The following TMEM266 variants were observed in gnomAD, a reference collection of about 807,000 sequenced individuals.
The protein encoded by TMEM266 is Hv1 related protein 1.
In TMEM266, 33 loss-of-function variants were observed where a neutral mutation model predicts 50.5. The ratio of observed to expected loss-of-function variants is 0.65; its 90% confidence interval spans 0.50 to 0.87. TMEM266 has a LOEUF of 0.87. TMEM266 is among the 40% of genes least tolerant of loss of function. The probability of loss-of-function intolerance (pLI) is 0.00; values close to 1 mark genes in which losing one functional copy is unlikely to be tolerated. For missense variants in TMEM266, 655 were observed against 695.1 expected (o/e 0.94, Z 0.65); for synonymous variants, 310 against 292.3 (o/e 1.06, Z -0.62).
chr15:76,179,507 C>T (rs1412301953), intron 8 of TMEM266, among the ~76,000 whole-genome samples: 1 of 152,210 alleles, frequency 6.6e-6, no homozygotes, highest in Non-Finnish European at 1.5e-5. Flanking sequence ...TCCAGCCCAT[C>T]ACGTTGAGCC....
intron 1 of TMEM266, among the ~76,000 whole-genome samples, chr15:76,127,543 C>T (rs1042359169): frequency 1.3e-5 from 2 of 152,060 alleles, no homozygotes; most frequent in Non-Finnish European, 2.9e-5. Context: ...CCAAGCTGGC[C>T]TCTTACTCCT....
chr15:76,112,353 A>G (rs1400954742), intron 1 of TMEM266, among the ~76,000 whole-genome samples: 1 of 152,220 alleles, frequency 6.6e-6, no homozygotes, highest in Non-Finnish European at 1.5e-5. Context: ...CAAATGCAAC[A>G]TGTTAAAAAT....
chr15:76,122,834 G>C (rs902433941), intron 1 of TMEM266, among the ~76,000 whole-genome samples: 2 of 152,186 alleles, frequency 1.3e-5, no homozygotes, highest in African/African-American at 2.4e-5. Flanking sequence ...TGGATCCTTT[G>C]TCTCAGTGGG....
At chr15:76,119,475 T>C (rs1353591848) in intron 1 of TMEM266, among the ~76,000 whole-genome samples, 1 of 151,342 alleles carries the variant, frequency 6.6e-6, no homozygotes, top group Admixed American at 6.6e-5. Context: ...CATAGAAATA[T>C]TGTGACGGGA....
intron 2 of TMEM266, among the ~76,000 whole-genome samples, chr15:76,136,239 G>A (rs1044855224): frequency 2.4e-4 from 37 of 152,058 alleles, no homozygotes; most frequent in African/African-American, 7.7e-4. Context: ...CACCATGCCC[G>A]GCCTGCAGCT....
intron 3 of TMEM266, 150 bp from the exon 4 acceptor site, chr15:76,156,454 T>C (rs1186461038): frequency 9.7e-6 from 7 of 723,466 alleles, no homozygotes; most frequent in Non-Finnish European, 1.6e-5. Flanking sequence ...GCCTCTTGAA[T>C]GAGGTTGTGT....
chr15:76,129,365 G>A (rs920670152), intron 1 of TMEM266, among the ~76,000 whole-genome samples: 1 of 152,146 alleles, frequency 6.6e-6, no homozygotes, highest in Admixed American at 6.5e-5. Flanking sequence ...AAGGAGGCCA[G>A]GTGCATTGGC....
intron 1 of TMEM266, among the ~76,000 whole-genome samples, chr15:76,086,053 G>GAA (rs567541549): frequency 1.3e-3 from 142 of 110,526 alleles, no homozygotes; most frequent in African/African-American, 3.7e-3. Context: ...CATTTCAAAA[G>GAA]AAAAAAAAAA....
rs150061924 is a variant in TMEM266, at chr15:76,156,490, A to T, written c.228-114A>T. 4.2e-3 allele frequency: 4,673 copies of T among 1,102,312 alleles called. 21 individuals are homozygous for T. Among genetic ancestry groups the T allele is most frequent in the Non-Finnish European group, 5.3e-3 (4,007 of 758,242 alleles). 68.3% of individuals were successfully genotyped at this position (1,102,312 alleles called of 1,614,324 possible). ...TTCGCCATGAAGCCTAGAGCCAGGG[A>T]GAGAGCCCGGGAGGAGTGACGCTGG... is the stretch of plus-strand genomic sequence containing the variant. On this transcript the variant is annotated intron_variant, in intron 3 of 10. Transcript: ENST00000388942.
At chr15:76,150,652 G>T (rs1326114244) in intron 3 of TMEM266, among the ~76,000 whole-genome samples, 2 of 152,164 alleles carry the variant, frequency 1.3e-5, no homozygotes, top group Admixed American at 6.5e-5. Flanking sequence ...AGTGGATTGT[G>T]GGGTGGGAGA....
chr15:76,130,305 A>G (rs2037489904), intron 1 of TMEM266, among the ~76,000 whole-genome samples: 1 of 134,638 alleles, frequency 7.4e-6, no homozygotes, highest in Admixed American at 8.0e-5. Context: ...TGGGAGGCCG[A>G]GGCGGTTGGC....
At chr15:76,073,805 T>A (rs2036569856) in intron 1 of TMEM266, among the ~76,000 whole-genome samples, 1 of 152,238 alleles carries the variant, frequency 6.6e-6, no homozygotes, top group South Asian at 2.1e-4. Flanking sequence ...AGCTTATTCA[T>A]GTGTGGCATG....
chr15:76,193,413 T>A (rs2038610993), intron 9 of TMEM266, among the ~76,000 whole-genome samples: 1 of 152,022 alleles, frequency 6.6e-6, no homozygotes, highest in South Asian at 2.1e-4. Context: ...AGAGGTGGGG[T>A]CTTGCTATGT....
At chr15:76,182,893 C>G (rs572128418) in intron 8 of TMEM266, among the ~76,000 whole-genome samples, 3 of 151,986 alleles carry the variant, frequency 2.0e-5, no homozygotes, top group Non-Finnish European at 4.4e-5. Context: ...TTTCCCTGCG[C>G]CAGAAAGAGG....
intron 1 of TMEM266, among the ~76,000 whole-genome samples, chr15:76,070,749 G>T (rs2036527177): frequency 6.6e-6 from 1 of 152,188 alleles, no homozygotes; most frequent in South Asian, 2.1e-4. Context: ...CATTGCAAGG[G>T]TAGGGAGAAA....
Position 76,204,613 on chromosome 15 carries a change from T to TG in TMEM266, c.*305dup, listed in dbSNP as rs549197620. 56 of 246,624 alleles carry TG rather than the reference T, an allele frequency of 2.3e-4. No individual in the cohort carries two copies. Among genetic ancestry groups the TG allele is most frequent in the African/African-American group, 7.8e-4 (35 of 44,852 alleles). The allele number at this position is 246,624 out of a possible 1,614,324, so 15.3% of individuals were successfully genotyped here. On this transcript the variant is annotated 3_prime_UTR_variant, in exon 11 of 11. Coordinates refer to ENST00000388942, the MANE Select transcript of TMEM266 (RefSeq NM_152335.3). ...GGCCCAGCTTCAGCAGGGTAGAGTG[T>TG]GGGGGGGCCAGCTCAGCCTCTTGCG... is the stretch of plus-strand genomic sequence containing the variant.
intron 1 of TMEM266, among the ~76,000 whole-genome samples, chr15:76,075,751 T>C (rs910209728): frequency 6.8e-6 from 1 of 148,076 alleles, no homozygotes; most frequent in African/African-American, 2.5e-5. Context: ...GAGTCTCTCA[T>C]CTATCACATA....
chr15:76,186,195 T>G (rs2038488061), intron 8 of TMEM266, among the ~76,000 whole-genome samples: 2 of 152,180 alleles, frequency 1.3e-5, no homozygotes, highest in Non-Finnish European at 2.9e-5. Flanking sequence ...CATGTGGTCC[T>G]GGCCTTTCCC....
At chr15:76,083,972 A>T (rs2036733851) in intron 1 of TMEM266, among the ~76,000 whole-genome samples, 6 of 152,154 alleles carry the variant, frequency 3.9e-5, no homozygotes, top group Admixed American at 3.3e-4. Flanking sequence ...ACATTGTAGC[A>T]GTTAACTTGG....
Sources: allele counts gnomAD v4.1 joint callset (sites outside exome capture counted in the v4.1 genomes callset), GRCh38; gene constraint gnomAD v4.1.1; transcripts MANE v1.5; gene names NCBI Gene and HGNC (gene_info 2026-07-23, HGNC 2026-07-21).